Variants in OTUD5 observed in about 807,000 individuals in gnomAD.
OTUD5 encodes the protein OTU domain-containing protein 5.
Under a neutral mutation model 36.3 loss-of-function variants are expected in OTUD5, and 2 were observed. That is an observed-to-expected ratio of 0.06 (90% CI 0.02 to 0.17). The LOEUF (loss-of-function observed/expected upper bound fraction) is 0.17, where lower values mean the gene tolerates loss of function less well. OTUD5 is among the 10% of genes least tolerant of loss of function. The pLI is 1.00. For missense variants in OTUD5, 233 were observed against 512.3 expected, an observed-to-expected ratio of 0.45 and a Z score of 5.26; for synonymous variants, 234 against 214.9, an observed-to-expected ratio of 1.09 and a Z score of -0.78.
intron 1 of OTUD5, 38 bp downstream of exon 1, chrX:48,956,939 C>T: frequency 9.1e-7 from 1 of 1,100,897 alleles, no homozygotes; most frequent in Non-Finnish European, 1.2e-6. Flanking sequence ...GGGGTCCCAT[C>T]TGCCGTGGCC....
At chrX:48,924,749 C>A (rs782665156) in intron 6 of OTUD5, among the ~76,000 whole-genome samples, 2 of 112,353 alleles carry the variant, frequency 1.8e-5, no homozygotes, top group Non-Finnish European at 3.8e-5. Context: ...ACCCTGACTG[C>A]GCTATTTCAT....
At chrX:48,939,659 C>T (rs1014832891) in intron 2 of OTUD5, among the ~76,000 whole-genome samples, 1 of 112,231 alleles carries the variant, frequency 8.9e-6, no homozygotes, top group East Asian at 2.8e-4. Context: ...TTCCTGGCCT[C>T]TGGCAGGGTA....
chrX:48,943,700 G>A (rs1054698449), intron 2 of OTUD5, among the ~76,000 whole-genome samples: 13 of 111,679 alleles, frequency 1.2e-4, no homozygotes, highest in African/African-American at 3.6e-4. Flanking sequence ...CCAGAGATGG[G>A]ATCTGGGTAT....
Position 48,957,362 on chromosome X carries a change from G to A in OTUD5, c.209C>T (p.Pro70Leu), listed in dbSNP as rs782664325. Residue 70 changes from proline to leucine, a missense_variant, in exon 1 of 9, where the codon CCG becomes CTG. Physicochemically the swap from Pro to Leu is moderately conservative, Grantham distance 98. Transcript: ENST00000376488. ...RPRASPPPQG[P>L]LPGPPGALHR... ...AAGAGCGCCCGGCGGTCCTGGTAGC[G>A]GGCCTTGAGGCGGTGGCGAAGCTCG... is the stretch of plus-strand genomic sequence containing the variant. The A allele has an allele frequency of 8.9e-7, 1 of 1,124,957 alleles. No individual in the cohort carries two copies. The highest frequency in any genetic ancestry group is 3.8e-5 in the East Asian group (1 of 26,502). 92.7% of individuals were successfully genotyped at this position (1,124,957 alleles called of 1,213,427 possible).
At chrX:48,933,805 G>GTGT in intron 5 of OTUD5, among the ~76,000 whole-genome samples, 1 of 112,220 alleles carries the variant, frequency 8.9e-6, no homozygotes, top group African/African-American at 3.2e-5. Context: ...GTTGGAGGGT[G>GTGT]TGTTGGTGTT....
In OTUD5 at chrX:48,943,706, G is replaced by A. The variant is rs2063973087; in HGVS notation, c.688+484C>T. On this transcript the variant is annotated intron_variant, in intron 2 of 8. Coordinates refer to ENST00000376488, the MANE Select transcript of OTUD5 (RefSeq NM_001136157.2). The stretch of plus-strand genomic sequence containing the variant: ...CGCAACACACCAGAGATGGGATCTG[G>A]GTATAAACCTAGGGGTCATACAGCC... Among the ~76,000 whole-genome samples the A allele has an allele frequency of 3.6e-5, 4 of 111,328 alleles. No individual in the cohort carries two copies. The South Asian group carries it at 1.5e-3, about 42-fold the overall frequency.
intron 1 of OTUD5, among the ~76,000 whole-genome samples, chrX:48,951,004 G>A (rs1255832879): frequency 9.0e-6 from 1 of 110,549 alleles, no homozygotes; most frequent in African/African-American, 3.3e-5. Context: ...CATGGATCCC[G>A]CTCTGCAAGG....
At chrX:48,946,882 G>A (rs987213676) in intron 1 of OTUD5, among the ~76,000 whole-genome samples, 5 of 112,136 alleles carry the variant, frequency 4.5e-5, no homozygotes, top group Non-Finnish European at 9.4e-5. Context: ...AACAGGAGAG[G>A]GGCTCCTACT....
At chrX:48,924,092 G>A (rs1557047155) in intron 6 of OTUD5, 40 bp from the exon 7 acceptor site, 2 of 1,124,755 alleles carry the variant, frequency 1.8e-6, no homozygotes, top group Admixed American at 2.5e-5. Flanking sequence ...ACCACCAGCA[G>A]CCATGACCTT....
At chrX:48,943,716 TAGGGGTCATACAGCCC>T (rs2063973506) in intron 2 of OTUD5, among the ~76,000 whole-genome samples, 2 of 111,559 alleles carry the variant, frequency 1.8e-5, no homozygotes, top group South Asian at 7.5e-4. Context: ...GGTATAAACC[TAGGGGTCATACAGCCC>T]AGGGTGGCAG....
chrX:48,942,691 G>C (rs1392871489), intron 2 of OTUD5, among the ~76,000 whole-genome samples: 1 of 107,756 alleles, frequency 9.3e-6, no homozygotes, highest in Non-Finnish European at 1.9e-5. Flanking sequence ...GCAGAATAGA[G>C]AGGAGACCAT....
Position 48,957,580 on chromosome X carries a change from G to A in OTUD5, c.-10C>T, listed in dbSNP as rs2064274448. On this transcript the variant is annotated 5_prime_UTR_variant, in exon 1 of 9. Transcript: ENST00000376488. ...TGGGGAGTATAGTCATGGCTGCACT[G>A]CCGAGTACCCCCCAACAAACCCGGC... 7 of 830,679 alleles carry A rather than the reference G, an allele frequency of 8.4e-6. No individual in the cohort carries two copies. Among genetic ancestry groups the A allele is most frequent in the Admixed American group, 7.6e-5 (1 of 13,208 alleles). The allele number at this position is 830,679 out of a possible 1,213,427, so 68.5% of individuals were successfully genotyped here. A position where few individuals can be genotyped will look rare whatever the true frequency, so the allele number is the denominator to read the frequency against.
intron 1 of OTUD5, among the ~76,000 whole-genome samples, chrX:48,955,101 G>A (rs1429881358): frequency 1.8e-5 from 2 of 111,832 alleles, no homozygotes; most frequent in Non-Finnish European, 3.8e-5. Context: ...TCTTGTCCCA[G>A]AGAGAAAGCT....
chrX:48,940,970 T>C (rs1422636268), intron 2 of OTUD5, among the ~76,000 whole-genome samples: 1 of 110,957 alleles, frequency 9.0e-6, no homozygotes, highest in Non-Finnish European at 1.9e-5. Context: ...AGGAAGATAA[T>C]CCAGGGGAAC....
intron 2 of OTUD5, 99 bp from the exon 3 acceptor site, chrX:48,935,117 G>A: frequency 1.2e-6 from 1 of 834,207 alleles, no homozygotes; most frequent in Admixed American, 2.7e-5. Flanking sequence ...GGGGGACCAG[G>A]GAAATTCCCT....
At chrX:48,925,180 A>G (rs1293341089) in intron 6 of OTUD5, among the ~76,000 whole-genome samples, 1 of 105,056 alleles carries the variant, frequency 9.5e-6, no homozygotes, top group East Asian at 3.1e-4. Flanking sequence ...CCGCAGGCTG[A>G]GGCAGGAGAA....
chrX:48,932,347 CAG>C (rs1203418424), intron 5 of OTUD5, among the ~76,000 whole-genome samples: 6 of 109,231 alleles, frequency 5.5e-5, no homozygotes, highest in Non-Finnish European at 7.6e-5. Flanking sequence ...TTCTTTCAGA[CAG>C]AGTCTCGCTC....
At position 48,934,447 on chromosome X, in the gene OTUD5, C is replaced by A. The variant is rs993442718; in HGVS notation, c.1059+17G>T. On this transcript the variant is annotated intron_variant, in intron 5 of 8. Transcript: ENST00000376488. ...CTCTATATCCAGCAGCCATTCTGGG[C>A]ACAGGGACCCACTCACCCCTGGTTT... The A allele has an allele frequency of 8.3e-7, 1 of 1,202,169 alleles. No homozygotes were observed. Among genetic ancestry groups the A allele is most frequent in the South Asian group, 1.8e-5 (1 of 56,107 alleles).
intron 2 of OTUD5, among the ~76,000 whole-genome samples, chrX:48,938,810 C>T (rs2063872074): frequency 8.9e-6 from 1 of 111,804 alleles, no homozygotes; most frequent in African/African-American, 3.3e-5. Context: ...GCTTGACTTC[C>T]CTGTGGAGGG....
Sources: gnomAD v4.1 joint callset for allele counts (sites outside exome capture counted in the v4.1 genomes callset) on GRCh38, gnomAD v4.1.1 for gene constraint, MANE v1.5 for transcripts, NCBI Gene and HGNC (gene_info 2026-07-23, HGNC 2026-07-21) for gene names.